TRAPPC12: variants seen among roughly 807,000 people sequenced by gnomAD.
The protein encoded by TRAPPC12 is TPR repeat protein 15.
In TRAPPC12, 61 loss-of-function variants were observed where a neutral mutation model predicts 69.2. That is an observed-to-expected ratio of 0.88 (90% confidence interval 0.72 to 1.09). The LOEUF is 1.09. Among genes scored for constraint, TRAPPC12 ranks in the 50% least tolerant of loss-of-function variants. The pLI is 0.00. For synonymous variants in TRAPPC12, 469 were observed against 438.9 expected (o/e 1.07, Z -0.86); for missense variants, 1,101 against 1,016.4 (o/e 1.08, Z -1.13).
intron 3 of TRAPPC12, chr2:3,421,643 G>A (rs1187448967): frequency 1.4e-6 from 1 of 706,992 alleles, no homozygotes; most frequent in Non-Finnish European, 2.6e-6. Flanking sequence ...TTTATGATTT[G>A]ATCGGCTTGA....
intron 2 of TRAPPC12, among the ~76,000 whole-genome samples, chr2:3,393,686 AT>A (rs1660957085): frequency 2.1e-5 from 2 of 95,044 alleles, no homozygotes; most frequent in Non-Finnish European, 2.1e-5. Flanking sequence ...ATTTACCCAC[AT>A]TTAAAAAAAA....
At chr2:3,457,763 C>G in intron 7 of TRAPPC12, 70 bp downstream of exon 7, 1 of 1,579,084 alleles carries the variant, frequency 6.3e-7, no homozygotes, top group Non-Finnish European at 8.6e-7. Flanking sequence ...CAAAGCCTCT[C>G]GCTTCCTCTC....
At chr2:3,459,336 A>C (rs1348056478) in intron 7 of TRAPPC12, among the ~76,000 whole-genome samples, 3 of 152,224 alleles carry the variant, frequency 2.0e-5, no homozygotes, top group Non-Finnish European at 2.9e-5. Flanking sequence ...GTCAGATGGA[A>C]GCGTCCCTGG....
intron 10 of TRAPPC12, among the ~76,000 whole-genome samples, chr2:3,478,369 A>G (rs932706742): frequency 2.0e-5 from 3 of 152,226 alleles, no homozygotes; most frequent in African/African-American, 7.2e-5. Context: ...GCAGTGGCTC[A>G]TGCCTGTAAT....
intron 3 of TRAPPC12, among the ~76,000 whole-genome samples, chr2:3,405,993 C>T (rs982939354): frequency 6.6e-6 from 1 of 152,154 alleles, no homozygotes; most frequent in African/African-American, 2.4e-5. Context: ...CTGTAACTGG[C>T]GGGAATCCCG....
chr2:3,479,096 T>G, intron 11 of TRAPPC12, 123 bp from the exon 12 acceptor site: 1 of 1,530,586 alleles, frequency 6.5e-7, no homozygotes, highest in Admixed American at 2.0e-5. Flanking sequence ...CAGGGCCACC[T>G]AGGCTCTGCC....
intron 5 of TRAPPC12, among the ~76,000 whole-genome samples, chr2:3,426,776 G>A (rs1011900177): frequency 6.6e-5 from 10 of 152,184 alleles, no homozygotes; most frequent in East Asian, 1.9e-4. Flanking sequence ...TCTCTCCCCC[G>A]GAGCAAGTCT....
At chr2:3,383,880 T>G (rs1220416506) in intron 1 of TRAPPC12, among the ~76,000 whole-genome samples, 462 of 17,750 alleles carry the variant, frequency 0.026, 4 homozygotes, top group African/African-American at 0.17. Flanking sequence ...TGTTTTTTTT[T>G]TTTTTTTTTT....
Position 3,414,835 on chromosome 2 carries a change from G to A in TRAPPC12, c.1165-7046G>A, listed in dbSNP as rs73129462. On this transcript the variant is annotated intron_variant, in intron 3 of 11. Transcript: ENST00000324266. This position sits in a 1 kb window ranked among gnomAD's most constrained non-coding sequence, Gnocchi z 4.9. ...GTCCGTATTTCATAAACACACGTAT[G>A]TGTGCATGTATGTATTTCTTATGGA... is the stretch of plus-strand genomic sequence containing the variant. Among the ~76,000 whole-genome samples the A allele has an allele frequency of 0.05, 7,593 of 152,224 alleles. 674 individuals carry two copies. The highest frequency in any genetic ancestry group is 0.17 in the African/African-American group (7,198 of 41,500).
intron 6 of TRAPPC12, among the ~76,000 whole-genome samples, chr2:3,445,069 C>T (rs1412180407): frequency 6.6e-6 from 1 of 152,164 alleles, no homozygotes; most frequent in African/African-American, 2.4e-5. Flanking sequence ...TTTCATTATC[C>T]TCCATGTCAC....
At chr2:3,460,832 C>CTGTT (rs1665450818) in intron 8 of TRAPPC12, 1 of 154,338 alleles carries the variant, frequency 6.5e-6, no homozygotes, top group Non-Finnish European at 1.4e-5. Flanking sequence ...AGGCTGTCAT[C>CTGTT]TGTTTTTCCG....
At position 3,426,226 on chromosome 2, in the gene TRAPPC12, CTT is replaced by C. The variant is rs529578074; in HGVS notation, c.1417+1566_1417+1567del. Among the ~76,000 whole-genome samples the C allele has an allele frequency of 2.4e-4, 36 of 152,306 alleles. No homozygotes were observed. In the South Asian group the frequency reaches 4.1e-3, roughly 18 times the overall value. ...GGAAAAGAAAAAATGGGAAGGGTAA[CTT>C]TTAATAACTAAAATAGGGCATAAAT... On this transcript the variant is annotated intron_variant, in intron 5 of 11. Transcript: ENST00000324266.
chr2:3,448,793 G>A (rs1247545195), intron 6 of TRAPPC12, among the ~76,000 whole-genome samples: 1 of 152,186 alleles, frequency 6.6e-6, no homozygotes, highest in East Asian at 1.9e-4. Context: ...GGCGTGTGCC[G>A]GGAGCACAAT....
chr2:3,402,197 T>C (rs1014253136), intron 3 of TRAPPC12, among the ~76,000 whole-genome samples: 10 of 152,246 alleles, frequency 6.6e-5, no homozygotes, highest in Non-Finnish European at 7.3e-5. Flanking sequence ...GTTCATTTTT[T>C]AAATATATTG....
At chr2:3,395,966 G>A (rs1016398989) in intron 2 of TRAPPC12, among the ~76,000 whole-genome samples, 2 of 152,150 alleles carry the variant, frequency 1.3e-5, no homozygotes, top group Non-Finnish European at 2.9e-5. Context: ...CTGACATCAA[G>A]TGATCTGCTC....
rs1374470370 is a variant in TRAPPC12, at chr2:3,403,246, T to TTTC, written c.1164+1355_1164+1356insCTT. ...ATTTCACCAATTTTTTTTTTTTTTTTTTTGAGATGGAGTTTCACTCTTGTT... is the reference window on the plus strand; with the variant it reads ...ATTTCACCAATTTTTTTTTTTTTTTTTTCTTTGAGATGGAGTTTCACTCTTGTT... On this transcript the variant is annotated intron_variant, in intron 3 of 11. Coordinates refer to ENST00000324266, the MANE Select transcript of TRAPPC12 (RefSeq NM_016030.6). Among the ~76,000 whole-genome samples, 112 of 151,064 alleles carry TTTC rather than the reference T, an allele frequency of 7.4e-4. 1 individual carries two copies. Among genetic ancestry groups the TTTC allele is most frequent in the African/African-American group, 2.6e-3 (105 of 40,974 alleles).
At chr2:3,421,586 T>C in intron 3 of TRAPPC12, 3 of 619,938 alleles carry the variant, frequency 4.8e-6, no homozygotes, top group South Asian at 4.7e-5. Flanking sequence ...AGCTTTCCAA[T>C]AAAAAGCCTC....
At chr2:3,438,452 CCA>C in intron 5 of TRAPPC12, among the ~76,000 whole-genome samples, 1 of 146,158 alleles carries the variant, frequency 6.8e-6, no homozygotes. Flanking sequence ...GGATTAACCC[CCA>C]TCACCCCTGG....
At position 3,443,839 on chromosome 2, in the gene TRAPPC12, A is replaced by G. The variant is rs759969906; in HGVS notation, c.1478A>G (p.Asn493Ser). ...LHAELQQYLG[N>S]PQESLDRLHK... ...GCGGAGCTTCAGCAGTACCTGGGGA[A>G]CCCACAGGAGTCGCTGGATAGACTG... Residue 493 changes from asparagine to serine, a missense_variant, in exon 6 of 12, where the codon AAC becomes AGC. Physicochemically the swap from Asn to Ser is conservative, Grantham distance 46. Transcript: ENST00000324266. The G allele has an allele frequency of 1.9e-6, 3 of 1,614,080 alleles. No homozygotes were observed. The highest frequency in any genetic ancestry group is 2.5e-6 in the Non-Finnish European group (3 of 1,180,026).
Sources: gnomAD v4.1 joint callset for allele counts (sites outside exome capture counted in the v4.1 genomes callset) on GRCh38, gnomAD v4.1.1 for gene constraint, Gnocchi (gnomAD v3.1) non-coding constraint, MANE v1.5 for transcripts, NCBI Gene and HGNC (gene_info 2026-07-23, HGNC 2026-07-21) for gene names.